Variants in SCN9A observed in about 807,000 individuals in gnomAD.
SCN9A encodes the protein sodium voltage-gated channel alpha subunit 9, also known as sodium channel protein type 9 subunit alpha.
In SCN9A, 131 loss-of-function variants were observed where a neutral mutation model predicts 187.0. The observed-to-expected ratio is 0.70, with a 90% CI of 0.61 to 0.81. The LOEUF (loss-of-function observed/expected upper bound fraction) is 0.81. SCN9A is among the 30% of genes least tolerant of loss of function. The pLI is 0.00. For missense variants in SCN9A, 2,252 were observed against 2,396.6 expected, an observed-to-expected ratio of 0.94 and a Z score of 1.26; for synonymous variants, 809 against 808.6, an observed-to-expected ratio of 1.00 and a Z score of -0.01.
chr2:166,212,732 G>A (rs1694152774), intron 24 of SCN9A, among the ~76,000 whole-genome samples: 1 of 152,104 alleles, frequency 6.6e-6, no homozygotes, highest in Non-Finnish European at 1.5e-5. Flanking sequence ...TCACATATCA[G>A]GTCATGAAGT....
intron 4 of SCN9A, among the ~76,000 whole-genome samples, chr2:166,306,223 C>T (rs1384006921): frequency 2.0e-5 from 3 of 152,008 alleles, no homozygotes; most frequent in African/African-American, 2.4e-5. Flanking sequence ...AAAATACACC[C>T]ATATAATTAT....
At chr2:166,225,169 C>A (rs564313994) in intron 24 of SCN9A, among the ~76,000 whole-genome samples, 7 of 152,214 alleles carry the variant, frequency 4.6e-5, no homozygotes, top group Non-Finnish European at 1.0e-4. Flanking sequence ...TTGCTATCCC[C>A]CCTGAATTGC....
At chr2:166,306,761 A>G (rs545446264) in intron 3 of SCN9A, among the ~76,000 whole-genome samples, 162 bp from the exon 4 acceptor site, 18 of 152,298 alleles carry the variant, frequency 1.2e-4, no homozygotes, top group African/African-American at 4.1e-4. Context: ...TAAAAGTAAC[A>G]TATCCTAAAA....
intron 1 of SCN9A, among the ~76,000 whole-genome samples, chr2:166,365,757 C>A (rs1052381367): frequency 5.3e-5 from 8 of 152,198 alleles, no homozygotes; most frequent in South Asian, 4.1e-4. Context: ...ATACCTCCTT[C>A]TCTCAATTCT....
intron 1 of SCN9A, among the ~76,000 whole-genome samples, chr2:166,344,768 T>C (rs751001567): frequency 2.6e-5 from 4 of 152,142 alleles, no homozygotes; most frequent in African/African-American, 4.8e-5. Flanking sequence ...ACAATCAAGA[T>C]ACCAAACTAA....
chr2:166,227,867 A>C (rs560626282), intron 22 of SCN9A, 144 bp from the exon 23 acceptor site: 2 of 619,892 alleles, frequency 3.2e-6, no homozygotes, highest in African/African-American at 3.9e-5. Context: ...ATTTAATGTA[A>C]AGATTTTTTT....
intron 17 of SCN9A, among the ~76,000 whole-genome samples, chr2:166,257,613 A>G (rs1324114594): frequency 6.6e-6 from 1 of 151,604 alleles, no homozygotes; most frequent in Non-Finnish European, 1.5e-5. Flanking sequence ...TTTTCTTAAG[A>G]GGATGACCAT....
At chr2:166,230,490 A>T (rs1250509117) in intron 21 of SCN9A, among the ~76,000 whole-genome samples, 3 of 152,114 alleles carry the variant, frequency 2.0e-5, no homozygotes, top group Admixed American at 2.0e-4. Flanking sequence ...AGGCACTCTG[A>T]TACATCTAGT....
chr2:166,203,627 C>T (rs1693650209), intron 26 of SCN9A, among the ~76,000 whole-genome samples: 1 of 151,858 alleles, frequency 6.6e-6, no homozygotes, highest in African/African-American at 2.4e-5. Flanking sequence ...GAAGTTATTT[C>T]AGATTCAACA....
At chr2:166,295,433 G>T (rs970918507) in intron 7 of SCN9A, among the ~76,000 whole-genome samples, 2 of 152,108 alleles carry the variant, frequency 1.3e-5, no homozygotes, top group Non-Finnish European at 1.5e-5. Flanking sequence ...AACCTAGATG[G>T]TATAGGCTAC....
intron 18 of SCN9A, among the ~76,000 whole-genome samples, chr2:166,249,588 A>T (rs1007473331): frequency 6.6e-6 from 1 of 152,120 alleles, no homozygotes; most frequent in Non-Finnish European, 1.5e-5. Flanking sequence ...GCCCAGGTTC[A>T]TTGGAAAATG....
At chr2:166,374,355 C>A (rs1700635934) in intron 1 of SCN9A, among the ~76,000 whole-genome samples, 1 of 152,162 alleles carries the variant, frequency 6.6e-6, no homozygotes, top group Non-Finnish European at 1.5e-5. Context: ...AAATAGAGGG[C>A]ACATTCTTCT....
At chr2:166,374,654 TAAC>T (rs1700646201) in intron 1 of SCN9A, among the ~76,000 whole-genome samples, 1 of 151,972 alleles carries the variant, frequency 6.6e-6, no homozygotes, top group Non-Finnish European at 1.5e-5. Flanking sequence ...TATATTTAAA[TAAC>T]AAGGAAAGAA....
intron 24 of SCN9A, among the ~76,000 whole-genome samples, chr2:166,209,704 A>C (rs1356643900): frequency 6.6e-6 from 1 of 152,094 alleles, no homozygotes; most frequent in Non-Finnish European, 1.5e-5. Context: ...ACACATGAAA[A>C]AATGCTCATC....
intron 1 of SCN9A, among the ~76,000 whole-genome samples, chr2:166,372,847 C>T (rs1700596759): frequency 6.6e-6 from 1 of 152,118 alleles, no homozygotes; most frequent in African/African-American, 2.4e-5. Flanking sequence ...AGGCACTATT[C>T]TGGAAGCTAA....
At chr2:166,372,740 A>G (rs1700594422) in intron 1 of SCN9A, among the ~76,000 whole-genome samples, 1 of 152,150 alleles carries the variant, frequency 6.6e-6, no homozygotes, top group Non-Finnish European at 1.5e-5. Flanking sequence ...CACAAAATTC[A>G]TGTTTCCAGG....
At position 166,199,004 on chromosome 2, in the gene SCN9A, G is replaced by C. The variant is rs1266771582; in HGVS notation, c.5635C>G (p.Pro1879Ala). Residue 1879 changes from proline to alanine, a missense_variant, in exon 27 of 27, where the codon CCC becomes GCC. Transcript: ENST00000642356. ...TTCCGTTTTAGTGTGGTTGTGATGG[G>C]TTCATAGGACACTTTGGAAGGATTT... ...SANPSKVSYE[P>A]ITTTLKRKQE... 6.2e-7 allele frequency: 1 copy of C among 1,614,004 alleles called. No homozygotes were observed. The highest frequency in any genetic ancestry group is 1.3e-5 in the African/African-American group (1 of 74,996).
chr2:166,251,176 A>T (rs896923218), intron 18 of SCN9A, among the ~76,000 whole-genome samples: 1 of 152,082 alleles, frequency 6.6e-6, no homozygotes, highest in Non-Finnish European at 1.5e-5. Context: ...GCATGCATGA[A>T]ACACCTCAGA....
chr2:166,259,289 T>C (rs1053695320), intron 17 of SCN9A: 1 of 151,670 alleles, frequency 6.6e-6, no homozygotes, highest in Non-Finnish European at 1.5e-5. Flanking sequence ...ATATTACCCC[T>C]GTGAGAAGAA....
Sources: gnomAD v4.1 joint callset for allele counts (sites outside exome capture counted in the v4.1 genomes callset) on GRCh38, gnomAD v4.1.1 for gene constraint, MANE v1.5 for transcripts, NCBI Gene and HGNC (gene_info 2026-07-23, HGNC 2026-07-21) for gene names.